The following FAF1 variants were observed in gnomAD, a reference collection of about 807,000 sequenced individuals.
FAF1 encodes Fas associated factor 1.
In FAF1, 25 loss-of-function variants were observed where a neutral mutation model predicts 92.5. The observed-to-expected ratio is 0.27, with a 90% CI of 0.20 to 0.38. FAF1 has a LOEUF of 0.38. FAF1 is among the 10% of genes least tolerant of loss of function. FAF1 has a pLI of 1.00. For missense variants in FAF1, 636 were observed against 793.3 expected (o/e 0.80, Z 2.38); for synonymous variants, 234 against 273.2 (o/e 0.86, Z 1.42).
chr1:50,587,115 T>C (rs1459207496), intron 9 of FAF1, among the ~76,000 whole-genome samples: 1 of 152,242 alleles, frequency 6.6e-6, no homozygotes, highest in African/African-American at 2.4e-5. Flanking sequence ...TACTTCTTTC[T>C]ATACTTACCC....
chr1:50,581,932 A>C (rs1347258590), intron 12 of FAF1, among the ~76,000 whole-genome samples: 1 of 152,020 alleles, frequency 6.6e-6, no homozygotes, highest in African/African-American at 2.4e-5. Flanking sequence ...CAACATACAA[A>C]TAGTGATTAG....
chr1:50,773,415 T>G (rs1398583742), intron 4 of FAF1, among the ~76,000 whole-genome samples: 1 of 152,164 alleles, frequency 6.6e-6, no homozygotes, highest in Non-Finnish European at 1.5e-5. Context: ...AGCCAAGAGA[T>G]GGGAACAATC....
chr1:50,592,442 C>CG (rs1012484275), intron 9 of FAF1, among the ~76,000 whole-genome samples: 1 of 151,734 alleles, frequency 6.6e-6, no homozygotes. Flanking sequence ...AATCATTAAA[C>CG]GGGGGCTCAG....
intron 1 of FAF1, among the ~76,000 whole-genome samples, chr1:50,865,345 C>T (rs960931527): frequency 6.6e-6 from 1 of 150,906 alleles, no homozygotes; most frequent in Non-Finnish European, 1.5e-5. Flanking sequence ...TGGGTATATA[C>T]CCAAAGGACT....
chr1:50,679,099 A>G (rs1045598312), intron 7 of FAF1, among the ~76,000 whole-genome samples: 1 of 152,188 alleles, frequency 6.6e-6, no homozygotes, highest in African/African-American at 2.4e-5. Flanking sequence ...AAAAAACACC[A>G]AAAACATTTT....
In FAF1 at chr1:50,583,170, T is replaced by A. The variant is rs867431201; in HGVS notation, c.1032-471A>T. Among the ~76,000 whole-genome samples the A allele has an allele frequency of 3.3e-5, 5 of 151,826 alleles. No individual in the cohort carries two copies. Among genetic ancestry groups the A allele is most frequent in the African/African-American group, 9.7e-5 (4 of 41,436 alleles). ...GATTAAACATTAATTCTCTTTATAT[T>A]TGAATACCTCAGCAGACTCTCAAAT... On this transcript the variant is annotated intron_variant, in intron 11 of 18. Coordinates refer to ENST00000396153, the MANE Select transcript of FAF1 (RefSeq NM_007051.3). This position sits in a 1 kb window ranked among gnomAD's most constrained non-coding sequence, Gnocchi z 4.2.
Position 50,548,955 on chromosome 1 carries a change from G to T in FAF1, c.1269-9227C>A, listed in dbSNP as rs148428961. Among the ~76,000 whole-genome samples, 95 of 152,282 alleles carry T rather than the reference G, an allele frequency of 6.2e-4. No homozygotes were observed. The East Asian group carries it at 0.018, about 29-fold the overall frequency. On this transcript the variant is annotated intron_variant, in intron 13 of 18. Coordinates refer to ENST00000396153, the MANE Select transcript of FAF1 (RefSeq NM_007051.3). The stretch of plus-strand genomic sequence containing the variant: ...TACCTACTTTTGGAATTGGTCTGTG[G>T]ATTAATAAATTCTACTTGTTTTTCT...
intron 1 of FAF1, among the ~76,000 whole-genome samples, chr1:50,956,388 C>G (rs1374444957): frequency 6.6e-6 from 1 of 152,130 alleles, no homozygotes; most frequent in Admixed American, 6.5e-5. Flanking sequence ...AAAAATCCTT[C>G]TCAAAGGTTT....
intron 5 of FAF1, among the ~76,000 whole-genome samples, chr1:50,742,436 T>C (rs1044320217): frequency 9.9e-5 from 15 of 151,242 alleles, no homozygotes; most frequent in Non-Finnish European, 1.6e-4. Context: ...CAGGATGGAG[T>C]GTAGTGGCAA....
intron 6 of FAF1, among the ~76,000 whole-genome samples, chr1:50,714,538 A>G (rs1175897758): frequency 1.3e-5 from 2 of 151,946 alleles, no homozygotes; most frequent in African/African-American, 4.8e-5. Flanking sequence ...AAACCAAAAC[A>G]AACAAACAAA....
rs541100911 is a variant in FAF1 at position 50,681,834 on chromosome 1, G to T, written c.657+23952C>A. Among the ~76,000 whole-genome samples the T allele has an allele frequency of 1.9e-4, 29 of 150,142 alleles. No individual in the cohort carries two copies. The South Asian group carries it at 4.9e-3, about 25-fold the overall frequency. ...GTTCCCGGCCTCTTTTGTTTTTTTT[G>T]GTTTTTTTTCCTCTTTTTGAGACAG... is the stretch of plus-strand genomic sequence containing the variant. On this transcript the variant is annotated intron_variant, in intron 7 of 18. Coordinates refer to ENST00000396153, the MANE Select transcript of FAF1 (RefSeq NM_007051.3).
chr1:50,730,846 T>G (rs1258283690), intron 6 of FAF1, among the ~76,000 whole-genome samples: 1 of 152,212 alleles, frequency 6.6e-6, no homozygotes. Flanking sequence ...GCTACACGCT[T>G]TTCACTCTCT....
chr1:50,904,774 T>C (rs929735026), intron 1 of FAF1, among the ~76,000 whole-genome samples: 1 of 152,156 alleles, frequency 6.6e-6, no homozygotes, highest in Non-Finnish European at 1.5e-5. Context: ...AAAGATGAAC[T>C]GCCAGTTTCC....
At chr1:50,742,683 T>A (rs968369669) in intron 5 of FAF1, among the ~76,000 whole-genome samples, 1 of 152,228 alleles carries the variant, frequency 6.6e-6, no homozygotes, top group Non-Finnish European at 1.5e-5. Context: ...TCCACCCAGC[T>A]GACTGATTCA....
At chr1:50,819,394 C>G (rs369049099) in intron 2 of FAF1, among the ~76,000 whole-genome samples, 1 of 150,354 alleles carries the variant, frequency 6.7e-6, no homozygotes, top group Non-Finnish European at 1.5e-5. Context: ...GAAGGGAGAT[C>G]GAGTGAGCCT....
At chr1:50,766,175 A>G (rs1244664162) in intron 4 of FAF1, among the ~76,000 whole-genome samples, 1 of 152,172 alleles carries the variant, frequency 6.6e-6, no homozygotes, top group African/African-American at 2.4e-5. Context: ...AAGCAACAAA[A>G]CATGCAATAA....
intron 7 of FAF1, among the ~76,000 whole-genome samples, chr1:50,659,451 G>C (rs1377597569): frequency 6.6e-6 from 1 of 152,178 alleles, no homozygotes; most frequent in African/African-American, 2.4e-5. Context: ...CACAGGCTGG[G>C]GTGCAGTGGC....
At chr1:50,634,245 CAA>C (rs980357346) in intron 8 of FAF1, among the ~76,000 whole-genome samples, 1 of 139,940 alleles carries the variant, frequency 7.1e-6, no homozygotes, top group African/African-American at 2.6e-5. Context: ...TTTTGCACAT[CAA>C]AAAAAAAAAG....
chr1:50,953,300 T>C (rs1645235513), intron 1 of FAF1, among the ~76,000 whole-genome samples: 1 of 152,010 alleles, frequency 6.6e-6, no homozygotes, highest in African/African-American at 2.4e-5. Flanking sequence ...GAGACCCTTG[T>C]TCACATGTTT....
Sources: gnomAD v4.1 joint callset for allele counts (sites outside exome capture counted in the v4.1 genomes callset) on GRCh38, gnomAD v4.1.1 for gene constraint, Gnocchi (gnomAD v3.1) non-coding constraint, MANE v1.5 for transcripts, NCBI Gene and HGNC (gene_info 2026-07-23, HGNC 2026-07-21) for gene names.